The following CC2D2A variants were observed in gnomAD, a reference collection of about 807,000 sequenced individuals.
CC2D2A encodes the protein coiled-coil and C2 domain-containing protein 2A.
A neutral mutation model predicts 212.9 loss-of-function variants in CC2D2A; 155 were observed. The observed-to-expected ratio is 0.73, with a 90% confidence interval of 0.64 to 0.83. The LOEUF is 0.83. Ranked by LOEUF, CC2D2A falls within the 40% of genes least tolerant of loss-of-function variation. The pLI, the probability that CC2D2A is intolerant of heterozygous loss-of-function variation, is 0.00. For synonymous variants in CC2D2A, 667 were observed against 686.5 expected (o/e 0.97, Z 0.44); for missense variants, 1,856 against 1,956.2 (o/e 0.95, Z 0.97).
At chr4:15,531,213 T>G (rs553582389) in intron 13 of CC2D2A, among the ~76,000 whole-genome samples, 1 of 152,300 alleles carries the variant, frequency 6.6e-6, no homozygotes, top group Admixed American at 6.5e-5. Flanking sequence ...AAGCAAATCT[T>G]GCCACAGCCC....
intron 33 of CC2D2A, among the ~76,000 whole-genome samples, chr4:15,590,241 G>C (rs1034946522): frequency 6.6e-6 from 1 of 152,156 alleles, no homozygotes. Context: ...AGAGCTGGGC[G>C]CTGTGGCTCA....
chr4:15,541,902 A>G (rs1406904441), intron 17 of CC2D2A, among the ~76,000 whole-genome samples: 3 of 152,126 alleles, frequency 2.0e-5, no homozygotes, highest in East Asian at 1.9e-4. Flanking sequence ...CTGGAGGCCT[A>G]AAGTCTGAAA....
Position 15,536,920 on chromosome 4 carries a change from G to C in CC2D2A, c.1608G>C (p.Lys536Asn). 6.2e-7 allele frequency: 1 copy of C among 1,612,794 alleles called. No homozygotes were observed. The highest frequency in any genetic ancestry group is 8.5e-7 in the Non-Finnish European group (1 of 1,179,372). ...TNTPLKLVLRKEKADQKADEE... is the reference protein window; with the variant it reads ...TNTPLKLVLRNEKADQKADEE... ...CAAGGGACTACAAATTATTTTAAAGGGAAAAAGCTGACCAGAAAGCAGATG... is the reference window on the plus strand; with the variant it reads ...CAAGGGACTACAAATTATTTTAAAGCGAAAAAGCTGACCAGAAAGCAGATG... The change falls in exon 15 of 37, where the codon AAG becomes AAC. Residue 536 changes from lysine to asparagine, a missense_variant and splice_region_variant. By Grantham distance (94) the Lys-to-Asn change is moderately conservative (BLOSUM62 0). Around this residue, in one of 5 missense-constraint regions of CC2D2A, gnomAD observed 1,512 missense variants for 1,579.3 expected, o/e 0.96. Transcript: ENST00000424120.
intron 11 of CC2D2A, among the ~76,000 whole-genome samples, chr4:15,525,263 A>G (rs1717446012): frequency 6.6e-6 from 1 of 152,236 alleles, no homozygotes; most frequent in Admixed American, 6.5e-5. Flanking sequence ...CCTGAGAGCC[A>G]CACCCTGAGT....
intron 4 of CC2D2A, chr4:15,492,737 C>T (rs926759923): frequency 2.8e-5 from 23 of 808,480 alleles, no homozygotes; most frequent in Non-Finnish European, 4.7e-5. Context: ...TCCTTGGAGG[C>T]CATGTGGGCC....
intron 30 of CC2D2A, among the ~76,000 whole-genome samples, chr4:15,581,541 A>G (rs1442102473): frequency 6.6e-6 from 1 of 152,240 alleles, no homozygotes; most frequent in African/African-American, 2.4e-5. Context: ...GGGCTACAGC[A>G]GCCTGGAAGA....
chr4:15,537,651 A>T (rs1718206317), intron 15 of CC2D2A, among the ~76,000 whole-genome samples: 1 of 152,184 alleles, frequency 6.6e-6, no homozygotes, highest in Admixed American at 6.5e-5. Context: ...AGGCTGTATG[A>T]CAAATGCTTT....
chr4:15,510,029 G>A (rs1716476666), intron 6 of CC2D2A, 110 bp from the exon 7 acceptor site: 1 of 773,042 alleles, frequency 1.3e-6, no homozygotes, highest in Non-Finnish European at 2.2e-6. Context: ...ATAAGATGCA[G>A]CAGCAGTCAG....
intron 3 of CC2D2A, 129 bp downstream of exon 3, chr4:15,478,935 G>C: frequency 1.3e-6 from 1 of 762,646 alleles, no homozygotes; most frequent in Non-Finnish European, 2.2e-6. Context: ...CCTGCTCTGG[G>C]GGGCTGTGAG....
chr4:15,529,997 A>T (rs1243421269), intron 13 of CC2D2A, among the ~76,000 whole-genome samples: 1 of 131,198 alleles, frequency 7.6e-6, no homozygotes, highest in Admixed American at 7.5e-5. Context: ...TTTGAGACGG[A>T]GTCTCACTCT....
intron 4 of CC2D2A, among the ~76,000 whole-genome samples, chr4:15,500,129 A>ATATATATATATATG (rs1553823493): frequency 7.1e-5 from 10 of 141,342 alleles, no homozygotes; most frequent in South Asian, 2.2e-4. Context: ...ATATATATAT[A>ATATATATATATATG]TATGTATTTT....
chr4:15,493,786 C>A (rs191252227), intron 4 of CC2D2A, among the ~76,000 whole-genome samples: 18 of 152,298 alleles, frequency 1.2e-4, no homozygotes, highest in Admixed American at 8.5e-4. Context: ...GAACACATAA[C>A]AGATGCTCAA....
At chr4:15,487,011 C>T (rs1037405551) in intron 4 of CC2D2A, among the ~76,000 whole-genome samples, 1 of 151,714 alleles carries the variant, frequency 6.6e-6, no homozygotes, top group African/African-American at 2.4e-5. Context: ...GAGAAGATAC[C>T]TGATATGATT....
At chr4:15,579,226 G>A (rs1047766613) in intron 29 of CC2D2A, among the ~76,000 whole-genome samples, 2 of 151,974 alleles carry the variant, frequency 1.3e-5, no homozygotes, top group Admixed American at 6.6e-5. Flanking sequence ...TGCTTTAGGA[G>A]GCCAAAGTGG....
chr4:15,522,866 C>G (rs1717289651), intron 11 of CC2D2A, among the ~76,000 whole-genome samples: 1 of 152,024 alleles, frequency 6.6e-6, no homozygotes, highest in Admixed American at 6.6e-5. Context: ...CACCTATAAT[C>G]CCAGCACTTT....
Position 15,487,954 on chromosome 4 carries a change from G to A in CC2D2A, c.247+7127G>A, listed in dbSNP as rs181996409. On this transcript the variant is annotated intron_variant, in intron 4 of 36. Transcript: ENST00000424120. ...CTGAAAAATTCTATATTTTAACCCC[G>A]TCTCCCCCCTGCTTTTTTATTTTTT... 5.4e-4 allele frequency among the ~76,000 whole-genome samples: 63 copies of A among 115,816 alleles called. 1 individual carries two copies. The highest frequency in any genetic ancestry group is 1.2e-3 in the African/African-American group (31 of 26,638). The allele number at this position is 115,816 out of a possible 152,430, so 76.0% of individuals were successfully genotyped here.
At chr4:15,495,570 T>G (rs1715570445) in intron 4 of CC2D2A, among the ~76,000 whole-genome samples, 1 of 152,232 alleles carries the variant, frequency 6.6e-6, no homozygotes, top group Non-Finnish European at 1.5e-5. Flanking sequence ...AATTCATTCT[T>G]TTTTATGGCT....
rs539786216 is a variant in CC2D2A at position 15,594,951 on chromosome 4, C to T, written c.4315-1134C>T. Among the ~76,000 whole-genome samples, 4 of 152,022 alleles carry T rather than the reference C, an allele frequency of 2.6e-5. No homozygotes were observed. In the South Asian group the frequency reaches 6.2e-4, roughly 24 times the overall value. On this transcript the variant is annotated intron_variant, in intron 33 of 36. Coordinates refer to ENST00000424120, the MANE Select transcript of CC2D2A (RefSeq NM_001378615.1). ...AAGCATCTAGGACTATAGGAACACA[C>T]CACCACGCCTGGCTACTTCTCAAAA...
chr4:15,555,807 T>A (rs1719248139), intron 20 of CC2D2A, among the ~76,000 whole-genome samples: 2 of 152,188 alleles, frequency 1.3e-5, no homozygotes, highest in Admixed American at 1.3e-4. Flanking sequence ...TTGTTGTTGT[T>A]GTCACTCCTA....
Sources: allele counts gnomAD v4.1 joint callset (sites outside exome capture counted in the v4.1 genomes callset), GRCh38; gene constraint gnomAD v4.1.1; regional missense constraint gnomAD v4.1.1; transcripts MANE v1.5; gene names NCBI Gene and HGNC (gene_info 2026-07-23, HGNC 2026-07-21).